MAU2: variants seen among roughly 807,000 people sequenced by gnomAD.
MAU2 encodes the protein MAU2 chromatid cohesion factor homolog.
In MAU2, 9 loss-of-function variants were observed where a neutral mutation model predicts 89.1. The observed-to-expected ratio is 0.10, with a 90% CI of 0.06 to 0.18. The LOEUF (loss-of-function observed/expected upper bound fraction) is 0.18. Among genes scored for constraint, MAU2 ranks in the 10% least tolerant of loss-of-function variants. The pLI is 1.00. For missense variants in MAU2, 425 were observed against 803.5 expected, an observed-to-expected ratio of 0.53 and a Z score of 5.69; for synonymous variants, 357 against 343.4, an observed-to-expected ratio of 1.04 and a Z score of -0.44.
At chr19:19,326,732 A>G (rs374948969) in intron 1 of MAU2, among the ~76,000 whole-genome samples, 14 of 131,744 alleles carry the variant, frequency 1.1e-4, no homozygotes, top group Admixed American at 1.6e-4. Flanking sequence ...ATATATATAT[A>G]TATACACAAA....
chr19:19,337,659 G>GA (rs2061608279), intron 4 of MAU2, among the ~76,000 whole-genome samples: 1 of 152,030 alleles, frequency 6.6e-6, no homozygotes, highest in African/African-American at 2.4e-5. Flanking sequence ...CCCACTGTGG[G>GA]TTTTTTTTAG....
Position 19,342,580 on chromosome 19 carries a change from C to G in MAU2, c.781C>G (p.Gln261Glu). The part of the protein sequence containing the change: ...PCLKQLQQCI[Q>E]TISTLHDDEI... ...TCTGAAGCAGCTGCAGCAGTGCATC[C>G]AGACCATCTCCACACTGCACGATGA... Residue 261 changes from glutamine to glutamate, a missense_variant, in exon 8 of 19, where the codon CAG (glutamine) becomes GAG (glutamate). Gln to Glu is a conservative substitution (Grantham distance 29). Around this residue, in one of 11 missense-constraint regions of MAU2, gnomAD observed 119 missense variants for 299.8 expected, o/e 0.40. Coordinates refer to ENST00000262815, the MANE Select transcript of MAU2 (RefSeq NM_015329.4). 6.2e-7 allele frequency: 1 copy of G among 1,611,266 alleles called. No homozygotes were observed.
chr19:19,358,594 G>A lies in MAU2; in HGVS notation c.*2812G>A, dbSNP rs984093659. On this transcript the variant is annotated 3_prime_UTR_variant, in exon 19 of 19. Coordinates refer to ENST00000262815, the MANE Select transcript of MAU2 (RefSeq NM_015329.4). ...TTAATGGGTTTGTAATATTTGTAACGGTTTTAGCAGCCTATAACTTTTCAG... is the reference window on the plus strand; with the variant it reads ...TTAATGGGTTTGTAATATTTGTAACAGTTTTAGCAGCCTATAACTTTTCAG... 2 of 152,156 alleles carry A rather than the reference G, an allele frequency of 1.3e-5. No homozygotes were observed. Among genetic ancestry groups the A allele is most frequent in the African/African-American group, 4.8e-5 (2 of 41,422 alleles). 9.4% of individuals were successfully genotyped at this position (152,156 alleles called of 1,614,324 possible). A position where few individuals can be genotyped will look rare whatever the true frequency, so the allele number is the denominator to read the frequency against.
intron 14 of MAU2, 44 bp downstream of exon 14, chr19:19,348,982 C>T (rs764252857): frequency 1.1e-5 from 17 of 1,603,930 alleles, no homozygotes; most frequent in Admixed American, 1.7e-5. Flanking sequence ...CTAGGCTCCC[C>T]GTGCTCTTTG....
intron 18 of MAU2, 128 bp from the exon 19 acceptor site, chr19:19,355,580 C>A: frequency 8.5e-7 from 1 of 1,181,986 alleles, no homozygotes; most frequent in Non-Finnish European, 1.2e-6. Flanking sequence ...TCCTCGGGGC[C>A]CATTGGACTG....
At chr19:19,355,596 T>C in intron 18 of MAU2, 112 bp from the exon 19 acceptor site, 1 of 1,222,680 alleles carries the variant, frequency 8.2e-7, no homozygotes. Context: ...GACTGGGGCA[T>C]GGAGAACAGA....
At position 19,334,567 on chromosome 19, in the gene MAU2, G is replaced by A. The variant is rs533399894; in HGVS notation, c.277-1151G>A. 99 of 985,580 alleles carry A rather than the reference G, an allele frequency of 1.0e-4. No individual in the cohort carries two copies. The African/African-American group carries it at 1.7e-3, about 17-fold the overall frequency. 61.1% of individuals were successfully genotyped at this position (985,580 alleles called of 1,614,324 possible). A position where few individuals can be genotyped will look rare whatever the true frequency, so the allele number is the denominator to read the frequency against. On this transcript the variant is annotated intron_variant, in intron 1 of 18. Coordinates refer to ENST00000262815, the MANE Select transcript of MAU2 (RefSeq NM_015329.4). Reference sequence around the variant, plus strand: ...ACTCCCTTCGTGAATACTCTCTGCTGCATCCAGGATGGTCTGAAAACTCCC... The same window carrying A: ...ACTCCCTTCGTGAATACTCTCTGCTACATCCAGGATGGTCTGAAAACTCCC...
intron 16 of MAU2, among the ~76,000 whole-genome samples, chr19:19,349,641 A>C (rs2061725095): frequency 6.6e-6 from 1 of 152,170 alleles, no homozygotes; most frequent in Non-Finnish European, 1.5e-5. Flanking sequence ...GGGGGAAGGC[A>C]GGAGGCCTGA....
intron 1 of MAU2, among the ~76,000 whole-genome samples, chr19:19,322,423 A>G (rs1343946892): frequency 1.3e-5 from 2 of 152,126 alleles, no homozygotes; most frequent in Non-Finnish European, 2.9e-5. Context: ...ACACAGTGAG[A>G]TCCCGTCTCT....
chr19:19,338,773 C>G (rs970404631), intron 4 of MAU2, 72 bp from the exon 5 acceptor site: 12 of 1,158,114 alleles, frequency 1.0e-5, no homozygotes, highest in Non-Finnish European at 1.5e-5. Context: ...AGTTTGCTAA[C>G]AGAGCACGAA....
At position 19,354,373 on chromosome 19, in the gene MAU2, G is replaced by A; in HGVS notation, c.1567G>A (p.Val523Met). Residue 523 changes from valine (V) to methionine (M), a missense_variant, in exon 17 of 19, where the codon GTG becomes ATG. Transcript: ENST00000262815. ...TTGACAGGAGAGTAACAACATGGTG[G>A]TGCCTGCCATGCAGCTCGCCAGCAA... ...GNHRESNNMV[V>M]PAMQLASKIP... 2 of 1,613,982 alleles carry A rather than the reference G, an allele frequency of 1.2e-6. No individual in the cohort carries two copies. The highest frequency in any genetic ancestry group is 1.7e-6 in the Non-Finnish European group (2 of 1,179,948).
intron 1 of MAU2, chr19:19,334,096 C>T: frequency 3.4e-6 from 3 of 890,954 alleles, no homozygotes; most frequent in Non-Finnish European, 4.0e-6. Context: ...CAGTGGGATG[C>T]AGCAGCTTCT....
At chr19:19,348,690 C>A in intron 13 of MAU2, 199 bp from the exon 14 acceptor site, 1 of 673,192 alleles carries the variant, frequency 1.5e-6, no homozygotes, top group Middle Eastern at 2.6e-4. Context: ...GTGGCACAGG[C>A]AGGGCTGGCT....
chr19:19,358,487 G>C lies in MAU2; in HGVS notation c.*2705G>C, dbSNP rs10403731. ...TGGAACTGCCACCCAGCCCAGCATGGTGGCTCAATTGGTTGGTTGCGTTGT... is the reference window on the plus strand; with the variant it reads ...TGGAACTGCCACCCAGCCCAGCATGCTGGCTCAATTGGTTGGTTGCGTTGT... On this transcript the variant is annotated 3_prime_UTR_variant, in exon 19 of 19. Coordinates refer to ENST00000262815, the MANE Select transcript of MAU2 (RefSeq NM_015329.4). 6.6e-6 allele frequency: 1 copy of C among 152,068 alleles called. No homozygotes were observed. The highest frequency in any genetic ancestry group is 1.5e-5 in the Non-Finnish European group (1 of 68,004). The allele number at this position is 152,068 out of a possible 1,614,324, so 9.4% of individuals were successfully genotyped here. A position where few individuals can be genotyped will look rare whatever the true frequency, so the allele number is the denominator to read the frequency against.
intron 1 of MAU2, among the ~76,000 whole-genome samples, chr19:19,329,948 T>TG (rs1181560826): frequency 6.6e-6 from 1 of 151,658 alleles, no homozygotes; most frequent in African/African-American, 2.4e-5. Flanking sequence ...AAAAACCCTG[T>TG]CTTTTTAATT....
chr19:19,332,792 CT>C (rs2061566430), intron 1 of MAU2, among the ~76,000 whole-genome samples: 1 of 152,132 alleles, frequency 6.6e-6, no homozygotes, highest in African/African-American at 2.4e-5. Context: ...GAAGAGATGT[CT>C]TGGCCAGCCG....
intron 1 of MAU2, among the ~76,000 whole-genome samples, chr19:19,331,478 G>A (rs1423333939): frequency 6.7e-6 from 1 of 149,084 alleles, no homozygotes; most frequent in African/African-American, 2.5e-5. Context: ...CTCCAGCCTG[G>A]GCGACAGAGT....
rs991318613 is a variant in MAU2, at chr19:19,320,834, G to T, written c.-26G>T. 3 of 1,495,738 alleles carry T rather than the reference G, an allele frequency of 2.0e-6. No homozygotes were observed. Among genetic ancestry groups the T allele is most frequent in the African/African-American group, 1.5e-5 (1 of 68,484 alleles). The allele number at this position is 1,495,738 out of a possible 1,614,324, so 92.7% of individuals were successfully genotyped here. ...GCGCCTGCTTCCGCCTCCCTGTGGC[G>T]GCGGCTTGTTGTTGTGGAGGCCAAA... On this transcript the variant is annotated 5_prime_UTR_variant, in exon 1 of 19. Coordinates refer to ENST00000262815, the MANE Select transcript of MAU2 (RefSeq NM_015329.4).
intron 12 of MAU2, 30 bp from the exon 13 acceptor site, chr19:19,347,250 G>GC: frequency 6.6e-7 from 1 of 1,513,504 alleles, no homozygotes; most frequent in Non-Finnish European, 9.2e-7. Context: ...ACCCGACCCA[G>GC]CCCCCTAATG....
Sources: gnomAD v4.1 joint callset for allele counts (sites outside exome capture counted in the v4.1 genomes callset) on GRCh38, gnomAD v4.1.1 for gene constraint, gnomAD v4.1.1 regional missense constraint, MANE v1.5 for transcripts, NCBI Gene and HGNC (gene_info 2026-07-23, HGNC 2026-07-21) for gene names.